Variants in KALRN observed in about 807,000 individuals in gnomAD.
KALRN encodes kalirin.
KALRN carries 70 observed loss-of-function variants against 353.7 expected under a neutral mutation model. The observed-to-expected ratio is 0.20, with a 90% CI of 0.16 to 0.24. The LOEUF (loss-of-function observed/expected upper bound fraction) is 0.24. Ranked by LOEUF, KALRN falls within the 10% of genes least tolerant of loss-of-function variation. KALRN has a pLI of 1.00. For missense variants in KALRN, 2,791 were observed against 3,756.7 expected (o/e 0.74, Z 6.72); for synonymous variants, 1,391 against 1,434.8 (o/e 0.97, Z 0.69).
intron 34 of KALRN, among the ~76,000 whole-genome samples, chr3:124,610,677 A>T (rs2077849288): frequency 6.6e-6 from 1 of 152,040 alleles, no homozygotes; most frequent in African/African-American, 2.4e-5. Context: ...TACCCCAGAT[A>T]TCAAAGCAAA....
chr3:124,678,427 A>AGTAGTTTTTTTTTC, intron 50 of KALRN, 114 bp downstream of exon 50: 2 of 1,140,984 alleles, frequency 1.8e-6, no homozygotes, highest in Non-Finnish European at 2.5e-6. Flanking sequence ...CAGTATGGGT[A>AGTAGTTTTTTTTTC]CCAGAGGGGA....
intron 1 of KALRN, among the ~76,000 whole-genome samples, chr3:124,060,823 G>A (rs1391621945): frequency 6.6e-6 from 1 of 152,212 alleles, no homozygotes; most frequent in Admixed American, 6.5e-5. Flanking sequence ...TGGGGTGTAT[G>A]TACCTGACCT....
chr3:124,555,871 C>T (rs1033125498), intron 33 of KALRN, among the ~76,000 whole-genome samples: 1 of 152,144 alleles, frequency 6.6e-6, no homozygotes, highest in Non-Finnish European at 1.5e-5. Context: ...ATAAGAGTAA[C>T]ACATAATTTA....
At chr3:124,202,492 T>C (rs944466113) in intron 1 of KALRN, among the ~76,000 whole-genome samples, 3 of 152,196 alleles carry the variant, frequency 2.0e-5, no homozygotes, top group African/African-American at 7.2e-5. Context: ...GCTCAAGTGA[T>C]CTGCCTGGCT....
At chr3:124,651,637 C>CTT (rs66520052) in intron 38 of KALRN, among the ~76,000 whole-genome samples, 2,175 of 130,422 alleles carry the variant, frequency 0.017, 77 homozygotes, top group African/African-American at 0.058. Context: ...TCTTTTCTAT[C>CTT]TTTTTTTTTT....
Position 124,185,915 on chromosome 3 carries a change from T to C in KALRN, c.74-42075T>C, listed in dbSNP as rs568919996. On this transcript the variant is annotated intron_variant, in intron 1 of 59. Transcript: ENST00000682506. Reference sequence around the variant, plus strand: ...CAGGTTCAGTGCAACAGGCAGGTGCTGGGTGGTGCCAGTTGCTGGGAGATG... The same window carrying C: ...CAGGTTCAGTGCAACAGGCAGGTGCCGGGTGGTGCCAGTTGCTGGGAGATG... Among the ~76,000 whole-genome samples, 5 of 152,296 alleles carry C rather than the reference T, an allele frequency of 3.3e-5. No individual in the cohort carries two copies. In the South Asian group the frequency reaches 1.0e-3, roughly 32 times the overall value.
At chr3:124,518,798 A>G in intron 33 of KALRN, 1 of 1,233,338 alleles carries the variant, frequency 8.1e-7, no homozygotes, top group Non-Finnish European at 1.0e-6. Context: ...AGGTACGCCC[A>G]GGCTCCTGCT....
chr3:124,126,130 C>T (rs1009058154), intron 1 of KALRN, among the ~76,000 whole-genome samples: 3 of 151,970 alleles, frequency 2.0e-5, no homozygotes, highest in African/African-American at 4.8e-5. Flanking sequence ...TTGTGAATGT[C>T]TGGCCAAGAA....
At chr3:124,600,478 G>A (rs1482478155) in intron 34 of KALRN, among the ~76,000 whole-genome samples, 2 of 152,214 alleles carry the variant, frequency 1.3e-5, no homozygotes, top group African/African-American at 2.4e-5. Flanking sequence ...CAGGGCAGTG[G>A]CTATAATTCT....
chr3:124,563,056 G>A lies in KALRN; in HGVS notation c.5149G>A (p.Val1717Met), dbSNP rs201338676. 60 of 1,367,746 alleles carry A rather than the reference G, an allele frequency of 4.4e-5. No individual in the cohort carries two copies. Among genetic ancestry groups the A allele is most frequent in the Middle Eastern group, 4.2e-4 (2 of 4,790 alleles). 84.7% of individuals were successfully genotyped at this position (1,367,746 alleles called of 1,614,324 possible). The change falls in exon 34 of 60, where the codon GTG becomes ATG. Residue 1717 changes from valine (V) to methionine (M), a missense_variant. By Grantham distance (21) the Val-to-Met change is conservative. Transcript: ENST00000682506. ...GTGCATCTCACACTCCCGAAGCAGC[G>A]TGGAGATGGACTGCTTCTTCCCCTT... ...ALCISHSRSS[V>M]EMDCFFPLVK...
intron 37 of KALRN, among the ~76,000 whole-genome samples, chr3:124,649,790 A>ATAGATAG: frequency 7.5e-6 from 1 of 132,838 alleles, no homozygotes; most frequent in Middle Eastern, 3.8e-3. Flanking sequence ...CCTGTCTCAA[A>ATAGATAG]ATAGATAGAT....
In KALRN at chr3:124,632,521, C is replaced by T. The variant is rs2149831796; in HGVS notation, c.5284C>T (p.Pro1762Ser). 1 of 1,614,166 alleles carries T rather than the reference C, an allele frequency of 6.2e-7. No homozygotes were observed. The change falls in exon 35 of 60, where the codon CCC becomes TCC. Residue 1762 changes from proline (P) to serine (S), a missense_variant. Physicochemically the swap from Pro to Ser is moderately conservative, Grantham distance 74 (BLOSUM62 -1). This residue lies in a region of KALRN where 1,065 missense variants were observed against 1,156.4 expected (regional missense o/e 0.92). Coordinates refer to ENST00000682506, the MANE Select transcript of KALRN (RefSeq NM_001388419.1). The stretch of plus-strand genomic sequence containing the variant: ...GAACTCCATCCACAGTTCCCCGGGT[C>T]CCAAGCGCTCCACCAACACTCTTAA... ...SLNSIHSSPGPKRSTNTLKKW... is the reference protein window; with the variant it reads ...SLNSIHSSPGSKRSTNTLKKW...
chr3:124,705,352 A>G (rs2062552104), intron 57 of KALRN, among the ~76,000 whole-genome samples: 1 of 152,172 alleles, frequency 6.6e-6, no homozygotes, highest in African/African-American at 2.4e-5. Context: ...AAAATAAAGT[A>G]TTATTTTCAC....
chr3:124,523,072 A>C (rs1357134919), intron 33 of KALRN, among the ~76,000 whole-genome samples: 3 of 152,218 alleles, frequency 2.0e-5, no homozygotes, highest in African/African-American at 7.2e-5. Context: ...CAGTTAACCT[A>C]CTAGGTGGGC....
chr3:124,463,183 C>T (rs578019290), intron 25 of KALRN, among the ~76,000 whole-genome samples: 2 of 152,316 alleles, frequency 1.3e-5, no homozygotes, highest in African/African-American at 4.8e-5. Context: ...ATTTTTCCCA[C>T]ACCATACAAA....
intron 6 of KALRN, among the ~76,000 whole-genome samples, chr3:124,314,874 C>T (rs2078660648): frequency 6.6e-6 from 1 of 152,172 alleles, no homozygotes; most frequent in Non-Finnish European, 1.5e-5. Context: ...AGGTTGGTCT[C>T]AAACTCCTGG....
intron 45 of KALRN, among the ~76,000 whole-genome samples, chr3:124,665,613 C>G (rs1378976831): frequency 6.6e-6 from 1 of 152,062 alleles, no homozygotes; most frequent in African/African-American, 2.4e-5. Flanking sequence ...TACAGGCACA[C>G]GCCACCACCC....
rs79325593 is a variant in KALRN at position 124,322,299 on chromosome 3, C to T, written c.1093-3681C>T. ...TACTTACTCAGAAATGGAATGTCTG[C>T]GATCATTAGGTCGACTCCCTCACAG... On this transcript the variant is annotated intron_variant, in intron 6 of 59. Transcript: ENST00000682506. Among the ~76,000 whole-genome samples, 387 of 152,278 alleles carry T rather than the reference C, an allele frequency of 2.5e-3. 1 individual carries two copies. The East Asian group carries it at 0.031, about 12-fold the overall frequency.
At chr3:124,617,185 T>G (rs1660049) in intron 34 of KALRN, among the ~76,000 whole-genome samples, 1 of 151,992 alleles carries the variant, frequency 6.6e-6, no homozygotes, top group African/African-American at 2.4e-5. Flanking sequence ...TTTAAAAAAA[T>G]TAGCTGGGCA....
Sources: gnomAD v4.1 joint callset for allele counts (sites outside exome capture counted in the v4.1 genomes callset) on GRCh38, gnomAD v4.1.1 for gene constraint, gnomAD v4.1.1 regional missense constraint, MANE v1.5 for transcripts, NCBI Gene and HGNC (gene_info 2026-07-23, HGNC 2026-07-21) for gene names.